The following KCNJ3 variants were observed in gnomAD, a reference collection of about 807,000 sequenced individuals.
The protein encoded by KCNJ3 is potassium inwardly rectifying channel subfamily J member 3.
A neutral mutation model predicts 39.2 loss-of-function variants in KCNJ3; 4 were observed. That is an observed-to-expected ratio of 0.10 (90% CI 0.05 to 0.23). The LOEUF is 0.23. KCNJ3 is among the 10% of genes least tolerant of loss of function. The pLI is 1.00. For missense variants in KCNJ3, 276 were observed against 634.9 expected (o/e 0.43, Z 6.08); for synonymous variants, 230 against 237.4 (o/e 0.97, Z 0.29).
chr2:154,756,525 C>T (rs1298849166), intron 2 of KCNJ3, among the ~76,000 whole-genome samples: 1 of 151,756 alleles, frequency 6.6e-6, no homozygotes, highest in Non-Finnish European at 1.5e-5. Context: ...CCCCTAGACC[C>T]CCACCCCCTG....
intron 2 of KCNJ3, among the ~76,000 whole-genome samples, chr2:154,724,130 A>G (rs1412637477): frequency 6.6e-6 from 1 of 152,110 alleles, no homozygotes; most frequent in Non-Finnish European, 1.5e-5. Flanking sequence ...TATATGTTAA[A>G]TTAGATTTAT....
At chr2:154,722,920 T>G (rs573174936) in intron 2 of KCNJ3, among the ~76,000 whole-genome samples, 30 of 152,282 alleles carry the variant, frequency 2.0e-4, no homozygotes, top group Admixed American at 1.8e-3. Flanking sequence ...TTGATAAAGT[T>G]TCATGCTTGA....
chr2:154,739,670 T>A (rs1485157563), intron 2 of KCNJ3, among the ~76,000 whole-genome samples: 1 of 152,074 alleles, frequency 6.6e-6, no homozygotes, highest in Non-Finnish European at 1.5e-5. Flanking sequence ...GCCCAGAGGC[T>A]TGAGGCTTCT....
At chr2:154,762,413 A>G (rs985526645) in intron 2 of KCNJ3, among the ~76,000 whole-genome samples, 3 of 152,230 alleles carry the variant, frequency 2.0e-5, no homozygotes, top group African/African-American at 4.8e-5. Context: ...CCAGTTACAC[A>G]TTCATCATTT....
At chr2:154,795,077 C>T (rs1276907169) in intron 2 of KCNJ3, among the ~76,000 whole-genome samples, 1 of 152,024 alleles carries the variant, frequency 6.6e-6, no homozygotes, top group African/African-American at 2.4e-5. Flanking sequence ...ATTAAGGAAT[C>T]TTCATCAAGG....
chr2:154,796,537 T>C (rs1469270482), intron 2 of KCNJ3, among the ~76,000 whole-genome samples: 1 of 152,132 alleles, frequency 6.6e-6, no homozygotes, highest in Non-Finnish European at 1.5e-5. Context: ...GGTCATGTTT[T>C]TGTATCAAAT....
chr2:154,781,935 G>C (rs964712910), intron 2 of KCNJ3, among the ~76,000 whole-genome samples: 1 of 152,158 alleles, frequency 6.6e-6, no homozygotes, highest in Non-Finnish European at 1.5e-5. Flanking sequence ...TGGCGAACTG[G>C]TCTCTAAGTT....
intron 2 of KCNJ3, among the ~76,000 whole-genome samples, chr2:154,748,871 T>C (rs1486551649): frequency 6.6e-6 from 1 of 152,126 alleles, no homozygotes. Flanking sequence ...TACGGACATA[T>C]TAACAGTTAT....
intron 2 of KCNJ3, among the ~76,000 whole-genome samples, chr2:154,805,702 G>A (rs537963006): frequency 6.6e-6 from 1 of 152,048 alleles, no homozygotes; most frequent in African/African-American, 2.4e-5. Context: ...TGTAGCATGG[G>A]CATATTACAA....
chr2:154,812,692 A>G (rs1470153925), intron 2 of KCNJ3, among the ~76,000 whole-genome samples: 2 of 152,128 alleles, frequency 1.3e-5, no homozygotes, highest in Non-Finnish European at 2.9e-5. Flanking sequence ...TTTTTCATTC[A>G]TACAGGTGCA....
chr2:154,726,591 C>T (rs1333002503), intron 2 of KCNJ3, among the ~76,000 whole-genome samples: 1 of 152,040 alleles, frequency 6.6e-6, no homozygotes, highest in Non-Finnish European at 1.5e-5. Context: ...ACCATTTGAT[C>T]CAGCAAGCCC....
chr2:154,710,670 A>G (rs924691517), intron 2 of KCNJ3, among the ~76,000 whole-genome samples: 14 of 152,076 alleles, frequency 9.2e-5, no homozygotes, highest in Admixed American at 9.2e-4. Context: ...TATGCTTTCT[A>G]CAAGTACTGA....
Position 154,833,672 on chromosome 2 carries a change from A to C in KCNJ3, c.920-21055A>C, listed in dbSNP as rs533432756. On this transcript the variant is annotated intron_variant, in intron 2 of 2. Coordinates refer to ENST00000295101, the MANE Select transcript of KCNJ3 (RefSeq NM_002239.4). ...AACAGAATAATTCCACTGCCCTAAA[A>C]ATCTCTGGTATTCTATCTATTCATC... is the stretch of plus-strand genomic sequence containing the variant. 2.0e-5 allele frequency among the ~76,000 whole-genome samples: 3 copies of C among 152,244 alleles called. No individual in the cohort carries two copies. The South Asian group carries it at 6.2e-4, about 32-fold the overall frequency.
intron 2 of KCNJ3, among the ~76,000 whole-genome samples, chr2:154,839,572 T>G (rs542124245): frequency 6.6e-6 from 1 of 152,334 alleles, no homozygotes; most frequent in Non-Finnish European, 1.5e-5. Context: ...GCATTCCTAT[T>G]TCTCCACATC....
In KCNJ3 at chr2:154,857,886, C is replaced by CAAAAAAAAAAAAAAAAAAAAAAAAAAAAA. The variant is rs70983747; in HGVS notation, c.*2586_*2614dup. The CAAAAAAAAAAAAAAAAAAAAAAAAAAAAA allele has an allele frequency of 4.8e-5, 2 of 41,966 alleles. No individual in the cohort carries two copies. Among genetic ancestry groups the CAAAAAAAAAAAAAAAAAAAAAAAAAAAAA allele is most frequent in the African/African-American group, 1.4e-4 (1 of 6,950 alleles). The allele number at this position is 41,966 out of a possible 1,614,324, so 2.6% of individuals were successfully genotyped here. On this transcript the variant is annotated 3_prime_UTR_variant, in exon 3 of 3. Coordinates refer to ENST00000295101, the MANE Select transcript of KCNJ3 (RefSeq NM_002239.4). ...ACAGTGCGAGACTCCATCTCAACAT[C>CAAAAAAAAAAAAAAAAAAAAAAAAAAAAA]AAAAAAAAAAAAAAAAAAAAAAAAA...
chr2:154,724,169 T>C (rs1558856690), intron 2 of KCNJ3, among the ~76,000 whole-genome samples: 1 of 152,066 alleles, frequency 6.6e-6, no homozygotes, highest in Admixed American at 6.6e-5. Flanking sequence ...ATGGTGAATG[T>C]TATAGTTACA....
intron 2 of KCNJ3, among the ~76,000 whole-genome samples, chr2:154,739,812 T>G (rs545566559): frequency 6.6e-6 from 1 of 152,174 alleles, no homozygotes; most frequent in Admixed American, 6.6e-5. Flanking sequence ...CTTCAAGATA[T>G]AGCCCACCAA....
chr2:154,842,416 G>T (rs1008774195), intron 2 of KCNJ3, among the ~76,000 whole-genome samples: 1 of 152,178 alleles, frequency 6.6e-6, no homozygotes, highest in African/African-American at 2.4e-5. Flanking sequence ...TGTATATTCT[G>T]TTTATTTGGG....
chr2:154,800,406 G>A (rs1486495493), intron 2 of KCNJ3, among the ~76,000 whole-genome samples: 3 of 152,158 alleles, frequency 2.0e-5, no homozygotes, highest in Admixed American at 6.6e-5. Context: ...TTCTCATTAA[G>A]TATTTGTGAA....
Sources: allele counts gnomAD v4.1 joint callset (sites outside exome capture counted in the v4.1 genomes callset), GRCh38; gene constraint gnomAD v4.1.1; transcripts MANE v1.5; gene names NCBI Gene and HGNC (gene_info 2026-07-23, HGNC 2026-07-21).